SACS: variants seen among roughly 807,000 people sequenced by gnomAD.
SACS encodes the protein sacsin molecular chaperone, also known as sacsin.
Under a neutral mutation model 348.0 loss-of-function variants are expected in SACS, and 197 were observed. That is an observed-to-expected ratio of 0.57 (90% CI 0.50 to 0.64). The LOEUF is 0.64. Ranked by LOEUF, SACS falls within the 30% of genes least tolerant of loss-of-function variation. The probability of loss-of-function intolerance (pLI) is 0.00; values close to 1 mark genes in which losing one functional copy is unlikely to be tolerated. For synonymous variants in SACS, 1,985 were observed against 1,910.6 expected, an observed-to-expected ratio of 1.04 and a Z score of -1.02; for missense variants, 4,999 against 5,360.8, an observed-to-expected ratio of 0.93 and a Z score of 2.11.
Position 23,337,245 on chromosome 13 carries a change from G to C in SACS, c.6631C>G (p.Gln2211Glu), listed in dbSNP as rs753267159. ...AGAAATGGAAGGAAGCGGATTGTTTGATATTTTGCAGCAAAATCCTTTGCT... is the reference window on the plus strand; with the variant it reads ...AGAAATGGAAGGAAGCGGATTGTTTCATATTTTGCAGCAAAATCCTTTGCT... ...PRAKDFAAKYQTIRFLPFLTK... is the reference protein window; with the variant it reads ...PRAKDFAAKYETIRFLPFLTK... The change falls in exon 10 of 10, where the codon CAA becomes GAA. Residue 2211 changes from glutamine (Q) to glutamate (E), a missense_variant. Gln to Glu is a conservative substitution (Grantham distance 29, BLOSUM62 2). Around this residue, in one of 6 missense-constraint regions of SACS, gnomAD observed 3,156 missense variants for 3,380.1 expected, o/e 0.93. Transcript: ENST00000382292. 5 of 1,613,888 alleles carry C rather than the reference G, an allele frequency of 3.1e-6. No homozygotes were observed. The South Asian group carries it at 5.5e-5, about 18-fold the overall frequency.
At chr13:23,368,653 A>G (rs912023947) in intron 4 of SACS, among the ~76,000 whole-genome samples, 166 bp from the exon 5 acceptor site, 1 of 152,212 alleles carries the variant, frequency 6.6e-6, no homozygotes, top group Admixed American at 6.5e-5. Flanking sequence ...AATTCAGCAG[A>G]AAGTAAAGCA....
intron 2 of SACS, among the ~76,000 whole-genome samples, chr13:23,404,599 AG>A (rs1873123444): frequency 6.6e-6 from 1 of 152,200 alleles, no homozygotes; most frequent in Non-Finnish European, 1.5e-5. Context: ...AAAGAAATAA[AG>A]GGTATTCAAA....
chr13:23,397,250 T>C (rs1472025061), intron 2 of SACS, among the ~76,000 whole-genome samples: 2 of 152,184 alleles, frequency 1.3e-5, no homozygotes, highest in Non-Finnish European at 2.9e-5. Context: ...GTTTGCAAAC[T>C]CTGTTTTCAT....
Position 23,330,892 on chromosome 13 carries a change from A to C in SACS, c.12984T>G (p.Ile4328Met). The C allele has an allele frequency of 1.2e-6, 2 of 1,614,058 alleles. No homozygotes were observed. The highest frequency in any genetic ancestry group is 1.1e-5 in the South Asian group (1 of 91,082). Residue 4328 changes from isoleucine (I) to methionine (M), a missense_variant, in exon 10 of 10, where the codon ATT becomes ATG. Coordinates refer to ENST00000382292, the MANE Select transcript of SACS (RefSeq NM_014363.6). ...WKLPESERKK[I>M]IRRLYLKWHP... Reference sequence around the variant, plus strand: ...GCCATTTCAAATACAACCGCCTAATAATCTTTTTTCGTTCCGATTCTGGAA... The same window carrying C: ...GCCATTTCAAATACAACCGCCTAATCATCTTTTTTCGTTCCGATTCTGGAA...
chr13:23,403,393 GT>G (rs1273521072), intron 2 of SACS, among the ~76,000 whole-genome samples: 6 of 152,016 alleles, frequency 3.9e-5, no homozygotes, highest in African/African-American at 1.4e-4. Context: ...GCTTTTTTTG[GT>G]TGGCAGGCTA....
intron 6 of SACS, among the ~76,000 whole-genome samples, chr13:23,362,017 G>T (rs543119354): frequency 5.3e-5 from 8 of 152,328 alleles, no homozygotes; most frequent in Non-Finnish European, 7.3e-5. Flanking sequence ...ATACTTTACA[G>T]AAGTTGCTTA....
At position 23,354,919 on chromosome 13, in the gene SACS, T is replaced by G. The variant is rs772240153; in HGVS notation, c.1693A>C (p.Ile565Leu). Residue 565 changes from isoleucine (I) to leucine (L), a missense_variant, in exon 8 of 10, where the codon ATT becomes CTT. Transcript: ENST00000382292. ...TCCAACCTGACCCAGTCACAGCTAATTGAATAAATCACTGCATTCTGCAAC... is the reference window on the plus strand; with the variant it reads ...TCCAACCTGACCCAGTCACAGCTAAGTGAATAAATCACTGCATTCTGCAAC... ...ELLQNAVIYS[I>L]SCDWVRLEQV... 3 of 1,614,226 alleles carry G rather than the reference T, an allele frequency of 1.9e-6. No homozygotes were observed. Among genetic ancestry groups the G allele is most frequent in the Admixed American group, 3.3e-5 (2 of 60,028 alleles).
intron 2 of SACS, among the ~76,000 whole-genome samples, chr13:23,386,277 T>A (rs943670354): frequency 6.6e-6 from 1 of 152,282 alleles, no homozygotes; most frequent in African/African-American, 2.4e-5. Context: ...TGTTGCTTAG[T>A]GTAGTCACCT....
Position 23,329,560 on chromosome 13 carries a change from C to G in SACS, c.*576G>C, listed in dbSNP as rs1883336858. ...CTCAGTGCACTCTAAAAAGTACTAC[C>G]TTCACACTCTTAGTCAAGTAATAGG... On this transcript the variant is annotated 3_prime_UTR_variant, in exon 10 of 10. Coordinates refer to ENST00000382292, the MANE Select transcript of SACS (RefSeq NM_014363.6). 3 of 634,642 alleles carry G rather than the reference C, an allele frequency of 4.7e-6. No homozygotes were observed. The East Asian group carries it at 8.5e-5, about 18-fold the overall frequency. 39.3% of individuals were successfully genotyped at this position (634,642 alleles called of 1,614,324 possible).
At chr13:23,350,330 A>G (rs967268361) in intron 9 of SACS, among the ~76,000 whole-genome samples, 2 of 152,210 alleles carry the variant, frequency 1.3e-5, no homozygotes, top group African/African-American at 4.8e-5. Flanking sequence ...CTATGATAGA[A>G]TACAAGAAAG....
In SACS at chr13:23,334,129, A is replaced by C; in HGVS notation, c.9747T>G (p.His3249Gln). The C allele has an allele frequency of 5.0e-6, 8 of 1,613,856 alleles. No individual in the cohort carries two copies. Among genetic ancestry groups the C allele is most frequent in the Non-Finnish European group, 6.8e-6 (8 of 1,179,808 alleles). The change falls in exon 10 of 10, where the codon CAT becomes CAG. Residue 3249 changes from histidine (H) to glutamine (Q), a missense_variant. This residue lies in a region of SACS where 734 missense variants were observed against 694.0 expected (regional missense o/e 1.06). Transcript: ENST00000382292. ...ASESWLKNAWHFISESVSVKE... is the reference protein window; with the variant it reads ...ASESWLKNAWQFISESVSVKE... Reference sequence around the variant, plus strand: ...TCACACTTACAGATTCACTAATAAAATGCCATGCATTCTTAAGCCAAGACT... The same window carrying C: ...TCACACTTACAGATTCACTAATAAACTGCCATGCATTCTTAAGCCAAGACT...
Position 23,332,407 on chromosome 13 carries a change from A to C in SACS, c.11469T>G (p.Pro3823=). Residue 3823 remains proline, a synonymous_variant, in exon 10 of 10, where the codon CCT becomes CCG. Transcript: ENST00000382292. Reference sequence around the variant, plus strand: ...GTTCTAAAGGTAGCTTGTACAAATAAGGTTTAAAATCAGATTCATATTCTA... The same window carrying C: ...GTTCTAAAGGTAGCTTGTACAAATACGGTTTAAAATCAGATTCATATTCTA... ...INLEYESDFK[P]YLYKLPLELG... 6 of 1,614,018 alleles carry C rather than the reference A, an allele frequency of 3.7e-6. No individual in the cohort carries two copies. The highest frequency in any genetic ancestry group is 5.1e-6 in the Non-Finnish European group (6 of 1,179,930).
intron 1 of SACS, among the ~76,000 whole-genome samples, chr13:23,430,667 T>A (rs553845151): frequency 2.0e-5 from 3 of 152,346 alleles, no homozygotes; most frequent in East Asian, 1.9e-4. Context: ...ATTTAAATGA[T>A]CACCAATAAT....
chr13:23,365,194 A>C lies in SACS; in HGVS notation c.429T>G (p.Leu143=). The change falls in exon 6 of 10, where the codon CTT becomes CTG. Residue 143 remains leucine (L), a synonymous_variant. Coordinates refer to ENST00000382292, the MANE Select transcript of SACS (RefSeq NM_014363.6). The part of the protein sequence containing the change: ...YDETQYGTET[L]WSKDMAPYQG... ...GATATGGCGCCATATCTTTTGACCA[A>C]AGAGTCTCTGTTCCGTATTGAGTTT... 2 of 1,612,488 alleles carry C rather than the reference A, an allele frequency of 1.2e-6. No individual in the cohort carries two copies. The highest frequency in any genetic ancestry group is 1.7e-6 in the Non-Finnish European group (2 of 1,179,252).
Position 23,387,031 on chromosome 13 carries a change from C to G in SACS, c.21-11762G>C, listed in dbSNP as rs1226431781. Among the ~76,000 whole-genome samples, 4 of 152,140 alleles carry G rather than the reference C, an allele frequency of 2.6e-5. No homozygotes were observed. In the East Asian group the frequency reaches 7.7e-4, roughly 29 times the overall value. Reference sequence around the variant, plus strand: ...CAGATCACCAAAGCAGATATAATAACAATGAAAATGTTTAAAATATTATGA... The same window carrying G: ...CAGATCACCAAAGCAGATATAATAAGAATGAAAATGTTTAAAATATTATGA... On this transcript the variant is annotated intron_variant, in intron 2 of 9. Transcript: ENST00000382292.
At position 23,433,702 on chromosome 13, in the gene SACS, T is replaced by A. The variant is rs1874529586; in HGVS notation, c.-589A>T. On this transcript the variant is annotated 5_prime_UTR_variant, in exon 1 of 10. Transcript: ENST00000382292. ...CAGCGTGACTGTCCCGCAGCCGCAC[T>A]GGGTCCAGGCGGCTCCTGCCGCAGT... 1 of 152,382 alleles carries A rather than the reference T, an allele frequency of 6.6e-6. No homozygotes were observed. Among genetic ancestry groups the A allele is most frequent in the Non-Finnish European group, 1.5e-5 (1 of 68,150 alleles). 9.4% of individuals were successfully genotyped at this position (152,382 alleles called of 1,614,324 possible).
At chr13:23,381,223 T>C (rs972196768) in intron 2 of SACS, among the ~76,000 whole-genome samples, 3 of 152,178 alleles carry the variant, frequency 2.0e-5, no homozygotes, top group Admixed American at 1.3e-4. Flanking sequence ...AACCCTTTGC[T>C]TGAGATTCTA....
At chr13:23,363,475 C>A (rs1870868938) in intron 6 of SACS, among the ~76,000 whole-genome samples, 1 of 151,716 alleles carries the variant, frequency 6.6e-6, no homozygotes, top group African/African-American at 2.4e-5. Flanking sequence ...GATCTGCCCA[C>A]TTGGCCTCCC....
chr13:23,334,742 A>G lies in SACS; in HGVS notation c.9134T>C (p.Ile3045Thr). The change falls in exon 10 of 10, where the codon ATC (isoleucine) becomes ACC (threonine). Residue 3045 changes from isoleucine to threonine, a missense_variant. Ile to Thr is a moderately conservative substitution (Grantham distance 89, BLOSUM62 -1). Around this residue, in one of 6 missense-constraint regions of SACS, gnomAD observed 734 missense variants for 694.0 expected, o/e 1.06. Transcript: ENST00000382292. Reference protein sequence around the residue: ...LQHLKNADYNITTRKTVAENV... With the variant: ...LQHLKNADYNTTTRKTVAENV... ...CTCTGCTACTGTTTTGCGTGTGGTG[A>G]TATTATAATCTGCATTTTTAAGGTG... is the stretch of plus-strand genomic sequence containing the variant. The G allele has an allele frequency of 6.2e-7, 1 of 1,613,804 alleles. No individual in the cohort carries two copies. Among genetic ancestry groups the G allele is most frequent in the Middle Eastern group, 1.6e-4 (1 of 6,062 alleles).
Sources: gnomAD v4.1 joint callset for allele counts (sites outside exome capture counted in the v4.1 genomes callset) on GRCh38, gnomAD v4.1.1 for gene constraint, gnomAD v4.1.1 regional missense constraint, MANE v1.5 for transcripts, NCBI Gene and HGNC (gene_info 2026-07-23, HGNC 2026-07-21) for gene names.